BCL9: variants seen among roughly 807,000 people sequenced by gnomAD.
BCL9 encodes B-cell CLL/lymphoma 9 protein.
In BCL9, 25 loss-of-function variants were observed where a neutral mutation model predicts 88.5. That is an observed-to-expected ratio of 0.28 (90% CI 0.21 to 0.39). The LOEUF (loss-of-function observed/expected upper bound fraction) is 0.39, where lower values mean the gene tolerates loss of function less well. Among genes scored for constraint, BCL9 ranks in the 10% least tolerant of loss-of-function variants. BCL9 has a pLI of 1.00. For missense variants in BCL9, 1,817 were observed against 1,877.8 expected, an observed-to-expected ratio of 0.97 and a Z score of 0.60; for synonymous variants, 711 against 673.3, an observed-to-expected ratio of 1.06 and a Z score of -0.87.
At position 147,555,099 on chromosome 1, in the gene BCL9, T is replaced by C. The variant is rs190667943; in HGVS notation, c.-478+13425T>C. Reference sequence around the variant, plus strand: ...AATTAGAGGTCATCTTATGTAATCTTCACAGCAGCCCCTTGAGGTGGGTAC... The same window carrying C: ...AATTAGAGGTCATCTTATGTAATCTCCACAGCAGCCCCTTGAGGTGGGTAC... On this transcript the variant is annotated intron_variant, in intron 1 of 9. Transcript: ENST00000234739. Among the ~76,000 whole-genome samples, 7 of 152,322 alleles carry C rather than the reference T, an allele frequency of 4.6e-5. No homozygotes were observed. In the East Asian group the frequency reaches 1.3e-3, roughly 29 times the overall value.
At chr1:147,614,686 A>G (rs1658184286) in intron 6 of BCL9, 70 bp downstream of exon 6, 1 of 1,429,242 alleles carries the variant, frequency 7.0e-7, no homozygotes, top group African/African-American at 1.4e-5. Context: ...TTCCCATTGC[A>G]GATTGATCTT....
intron 1 of BCL9, among the ~76,000 whole-genome samples, chr1:147,571,940 C>T (rs1288354265): frequency 6.6e-6 from 1 of 152,046 alleles, no homozygotes; most frequent in African/African-American, 2.4e-5. Flanking sequence ...TAAGCCAGGC[C>T]CTGTTTGGGT....
intron 3 of BCL9, 21 bp downstream of exon 3, chr1:147,606,887 T>C (rs182412159): frequency 2.5e-4 from 38 of 152,720 alleles, no homozygotes; most frequent in African/African-American, 8.9e-4. Context: ...TGATGGCTGA[T>C]AGCACTGGAG....
Position 147,571,906 on chromosome 1 carries a change from C to T in BCL9, c.-478+30232C>T, listed in dbSNP as rs116215020. Among the ~76,000 whole-genome samples, 1,092 of 152,250 alleles carry T rather than the reference C, an allele frequency of 7.2e-3. 11 individuals are homozygous for T. Among genetic ancestry groups the T allele is most frequent in the African/African-American group, 0.024 (994 of 41,532 alleles). On this transcript the variant is annotated intron_variant, in intron 1 of 9. Transcript: ENST00000234739. Reference sequence around the variant, plus strand: ...TCATTTTCTCTATGCATTTGATCCACATACGTTTATTGAGCACCTACTATA... The same window carrying T: ...TCATTTTCTCTATGCATTTGATCCATATACGTTTATTGAGCACCTACTATA...
chr1:147,547,298 A>T (rs1654651415), intron 1 of BCL9, among the ~76,000 whole-genome samples: 1 of 152,296 alleles, frequency 6.6e-6, no homozygotes, highest in Non-Finnish European at 1.5e-5. Flanking sequence ...AGAATGAATG[A>T]TGTTTTCATT....
At position 147,543,875 on chromosome 1, in the gene BCL9, T is replaced by G. The variant is rs145296290; in HGVS notation, c.-478+2201T>G. Among the ~76,000 whole-genome samples the G allele has an allele frequency of 3.3e-5, 5 of 152,224 alleles. No individual in the cohort carries two copies. In the East Asian group the frequency reaches 9.7e-4, roughly 29 times the overall value. ...ATTTGATTTTACAAACTCCAGCACT[T>G]GGCCAACCAAAGAGAGGCACCTTTT... On this transcript the variant is annotated intron_variant, in intron 1 of 9. Transcript: ENST00000234739.
intron 1 of BCL9, among the ~76,000 whole-genome samples, chr1:147,547,763 G>A (rs1654668917): frequency 6.6e-6 from 1 of 152,156 alleles, no homozygotes; most frequent in African/African-American, 2.4e-5. Context: ...AAAAGAAATA[G>A]TTTAGTGAAG....
At chr1:147,580,032 G>C (rs1449553556) in intron 1 of BCL9, among the ~76,000 whole-genome samples, 2 of 152,204 alleles carry the variant, frequency 1.3e-5, no homozygotes, top group Non-Finnish European at 2.9e-5. Flanking sequence ...ATTCATTTCA[G>C]ACAGAAGGCT....
At chr1:147,557,346 C>A (rs745501404) in intron 1 of BCL9, among the ~76,000 whole-genome samples, 14 of 152,158 alleles carry the variant, frequency 9.2e-5, no homozygotes, top group Non-Finnish European at 1.6e-4. Flanking sequence ...TCAAGGCCAG[C>A]CAGATCAAGA....
intron 5 of BCL9, among the ~76,000 whole-genome samples, chr1:147,613,760 C>T (rs868981688): frequency 2.6e-5 from 4 of 152,076 alleles, no homozygotes; most frequent in Non-Finnish European, 2.9e-5. Context: ...TTGGCAGGCA[C>T]CAAAATGGAG....
At chr1:147,618,406 A>G (rs1553204178) in intron 7 of BCL9, among the ~76,000 whole-genome samples, 1 of 152,194 alleles carries the variant, frequency 6.6e-6, no homozygotes, top group Non-Finnish European at 1.5e-5. Context: ...ATACCCAGTT[A>G]TACTTTCAGG....
At chr1:147,549,008 GCT>G (rs1464926892) in intron 1 of BCL9, among the ~76,000 whole-genome samples, 1 of 26,602 alleles carries the variant, frequency 3.8e-5, no homozygotes, top group Admixed American at 5.4e-4. Context: ...ACTGAGTTTT[GCT>G]CTGTTGCCTA....
At chr1:147,552,422 A>C (rs1303453639) in intron 1 of BCL9, among the ~76,000 whole-genome samples, 3 of 152,218 alleles carry the variant, frequency 2.0e-5, no homozygotes, top group East Asian at 3.9e-4. Context: ...ACCCTGACCA[A>C]CATGGAAACC....
chr1:147,547,813 T>C (rs1553194402), intron 1 of BCL9, among the ~76,000 whole-genome samples: 1 of 152,242 alleles, frequency 6.6e-6, no homozygotes, highest in Non-Finnish European at 1.5e-5. Flanking sequence ...AAGAATGTAC[T>C]CTGTAGAAAT....
intron 1 of BCL9, among the ~76,000 whole-genome samples, chr1:147,569,915 G>T (rs181991906): frequency 6.6e-6 from 1 of 152,234 alleles, no homozygotes; most frequent in Non-Finnish European, 1.5e-5. Flanking sequence ...GAATATTAAA[G>T]AGGCCATTTT....
At chr1:147,551,947 T>C (rs1654923690) in intron 1 of BCL9, among the ~76,000 whole-genome samples, 1 of 152,214 alleles carries the variant, frequency 6.6e-6, no homozygotes, top group African/African-American at 2.4e-5. Context: ...ACAAATATGA[T>C]AAATATCTGT....
Sources: allele counts gnomAD v4.1 joint callset (sites outside exome capture counted in the v4.1 genomes callset), GRCh38; gene constraint gnomAD v4.1.1; transcripts MANE v1.5; gene names NCBI Gene and HGNC (gene_info 2026-07-23, HGNC 2026-07-21).